The following ADRA1A variants were observed in gnomAD, a reference collection of about 807,000 sequenced individuals.
ADRA1A encodes the protein adrenoceptor alpha 1A, also known as alpha-1A adrenergic receptor.
A neutral mutation model predicts 29.6 loss-of-function variants in ADRA1A; 31 were observed. The ratio of observed to expected loss-of-function variants is 1.05; its 90% confidence interval spans 0.79 to 1.41. The LOEUF is 1.41. Ranked by LOEUF, ADRA1A falls within the 40% of genes most tolerant of loss-of-function variation. ADRA1A has a pLI of 0.00. For missense variants in ADRA1A, 619 were observed against 601.1 expected (o/e 1.03, Z -0.31); for synonymous variants, 311 against 254.3 (o/e 1.22, Z -2.12).
intron 2 of ADRA1A, among the ~76,000 whole-genome samples, chr8:26,849,177 T>TA (rs953940333): frequency 6.6e-6 from 1 of 152,152 alleles, no homozygotes; most frequent in African/African-American, 2.4e-5. Flanking sequence ...CCAGCCTGAA[T>TA]AAAAAACTGA....
At position 26,769,488 on chromosome 8, in the gene ADRA1A, A is replaced by G. The variant is rs1445058554; in HGVS notation, c.*661T>C. ...CTGACCCAAGGATAGAGAACACTAC[A>G]TTCCAAGACATCATGAGTGCCCCTC... On this transcript the variant is annotated 3_prime_UTR_variant, in exon 3 of 3. Transcript: ENST00000380573. The G allele has an allele frequency of 4.1e-6, 4 of 985,328 alleles. No individual in the cohort carries two copies. Among genetic ancestry groups the G allele is most frequent in the Non-Finnish European group, 4.8e-6 (4 of 829,932 alleles). 61.0% of individuals were successfully genotyped at this position (985,328 alleles called of 1,614,324 possible). A position where few individuals can be genotyped will look rare whatever the true frequency, so the allele number is the denominator to read the frequency against.
chr8:26,822,783 C>T (rs987431639), intron 2 of ADRA1A, among the ~76,000 whole-genome samples: 1 of 152,098 alleles, frequency 6.6e-6, no homozygotes, highest in Non-Finnish European at 1.5e-5. Context: ...TGGTGACTTC[C>T]GCTTCTGGGG....
exon 3 of ADRA1A, chr8:26,748,713 A>G: frequency 2.7e-6 from 1 of 374,996 alleles, no homozygotes; most frequent in South Asian, 2.0e-5. Context: ...AGATCATGCC[A>G]CTGCACTCCA....
chr8:26,782,518 T>A (rs1807071708), intron 2 of ADRA1A, among the ~76,000 whole-genome samples: 1 of 152,212 alleles, frequency 6.6e-6, no homozygotes. Context: ...GAATTGGCCA[T>A]GCCTTCCTCT....
rs1382104169 is a variant in ADRA1A at position 26,806,803 on chromosome 8, C to T, written c.884-36137G>A. Among the ~76,000 whole-genome samples, 2 of 152,110 alleles carry T rather than the reference C, an allele frequency of 1.3e-5. No individual in the cohort carries two copies. Among genetic ancestry groups the T allele is most frequent in the Non-Finnish European group, 2.9e-5 (2 of 68,004 alleles). ...GCTAGAAGTGGCCTCATGGAACATCCTAGAAAAGGAGAACCAGCCACACCC... is the reference window on the plus strand; with the variant it reads ...GCTAGAAGTGGCCTCATGGAACATCTTAGAAAAGGAGAACCAGCCACACCC... On this transcript the variant is annotated intron_variant, in intron 2 of 2. Coordinates refer to ENST00000380573, the MANE Select transcript of ADRA1A (RefSeq NM_000680.4). The surrounding 1 kb of genome is among the most constrained non-coding windows in gnomAD (Gnocchi z 4.6).
rs557567061 is a variant in ADRA1A at position 26,860,010 on chromosome 8, C to T, written c.883+4077G>A. Among the ~76,000 whole-genome samples, 17 of 152,130 alleles carry T rather than the reference C, an allele frequency of 1.1e-4. No individual in the cohort carries two copies. The East Asian group carries it at 2.3e-3, about 21-fold the overall frequency. ...CTCGAACTCCTGACCTCAAGTGATC[C>T]GCCTGCTCAGCCTCCCAAAGTGCTG... is the stretch of plus-strand genomic sequence containing the variant. On this transcript the variant is annotated intron_variant, in intron 2 of 2. Coordinates refer to ENST00000380573, the MANE Select transcript of ADRA1A (RefSeq NM_000680.4). The surrounding 1 kb of genome is among the most constrained non-coding windows in gnomAD (Gnocchi z 4.7).
chr8:26,846,058 T>G (rs1488731269), intron 2 of ADRA1A, among the ~76,000 whole-genome samples: 2 of 152,248 alleles, frequency 1.3e-5, no homozygotes, highest in Middle Eastern at 3.2e-3. Flanking sequence ...TTAAGATGGT[T>G]AAAATTGTGA....
rs752092221 is a variant in ADRA1A at position 26,769,406 on chromosome 8, C to T, written c.*743G>A. On this transcript the variant is annotated 3_prime_UTR_variant, in exon 3 of 3. Transcript: ENST00000380573. ...TAAATTGAAAGAATGATGCTCAGGT[C>T]TATTGTTTTCTCTTGGGAAAAGCCA... 8 of 985,310 alleles carry T rather than the reference C, an allele frequency of 8.1e-6. No homozygotes were observed. Among genetic ancestry groups the T allele is most frequent in the Non-Finnish European group, 9.6e-6 (8 of 829,938 alleles). 61.0% of individuals were successfully genotyped at this position (985,310 alleles called of 1,614,324 possible).
intron 2 of ADRA1A, among the ~76,000 whole-genome samples, chr8:26,808,892 G>T (rs1384493686): frequency 2.0e-5 from 3 of 152,088 alleles, no homozygotes; most frequent in African/African-American, 7.2e-5. Flanking sequence ...AGACAGCTTT[G>T]GTAGGAAACA....
At chr8:26,755,346 T>C (rs1207281520), downstream of ADRA1A, among the ~76,000 whole-genome samples, 3 of 152,202 alleles carry the variant, frequency 2.0e-5, no homozygotes, top group Non-Finnish European at 4.4e-5. Flanking sequence ...GACTCATCCC[T>C]GACTGACTGG....
chr8:26,785,802 C>A (rs1807326957), intron 2 of ADRA1A, among the ~76,000 whole-genome samples: 1 of 152,262 alleles, frequency 6.6e-6, no homozygotes, highest in South Asian at 2.1e-4. Context: ...TGGCATTTCC[C>A]ATCTTTATAA....
chr8:26,845,371 A>G (rs1179753179), intron 2 of ADRA1A, among the ~76,000 whole-genome samples: 1 of 152,246 alleles, frequency 6.6e-6, no homozygotes, highest in Non-Finnish European at 1.5e-5. Context: ...GGGAAATGCA[A>G]AGCAACATCA....
At chr8:26,827,689 C>T (rs1218860670) in intron 2 of ADRA1A, among the ~76,000 whole-genome samples, 2 of 151,942 alleles carry the variant, frequency 1.3e-5, no homozygotes, top group South Asian at 2.1e-4. Context: ...CAGGAATGCC[C>T]AGTCTTGGGC....
downstream of ADRA1A, among the ~76,000 whole-genome samples, chr8:26,762,256 C>T (rs949685571): frequency 3.9e-5 from 6 of 152,116 alleles, no homozygotes; most frequent in Admixed American, 2.0e-4. The surrounding 1 kb of genome is among the most constrained non-coding windows in gnomAD (Gnocchi z 4.0). Context: ...TGTGGCTGCA[C>T]GTTGTTTGTA....
At chr8:26,781,035 C>T (rs1027185449) in intron 2 of ADRA1A, among the ~76,000 whole-genome samples, 4 of 152,176 alleles carry the variant, frequency 2.6e-5, no homozygotes, top group African/African-American at 7.2e-5. Flanking sequence ...AAATGCAATG[C>T]GCTTGAATCA....
rs553591841 is a variant in ADRA1A, at chr8:26,854,430, G to C, written c.883+9657C>G. On this transcript the variant is annotated intron_variant, in intron 2 of 2. Transcript: ENST00000380573. Reference sequence around the variant, plus strand: ...CCTGAAGTTAAAGCGGGGCGGGGGGGGGGAGCAGGCAGAGGTGCTTTCTCC... The same window carrying C: ...CCTGAAGTTAAAGCGGGGCGGGGGGCGGGAGCAGGCAGAGGTGCTTTCTCC... 13 of 119,200 alleles carry C rather than the reference G, an allele frequency of 1.1e-4. 1 individual carries two copies. Among genetic ancestry groups the C allele is most frequent in the African/African-American group, 2.6e-4 (8 of 31,232 alleles). The allele number at this position is 119,200 out of a possible 1,614,324, so 7.4% of individuals were successfully genotyped here.
At position 26,823,981 on chromosome 8, in the gene ADRA1A, A is replaced by C. The variant is rs1810364374; in HGVS notation, c.883+40106T>G. Among the ~76,000 whole-genome samples the C allele has an allele frequency of 6.6e-6, 1 of 152,094 alleles. No individual in the cohort carries two copies. The highest frequency in any genetic ancestry group is 6.5e-5 in the Admixed American group (1 of 15,272). The stretch of plus-strand genomic sequence containing the variant: ...AGTATTGCCCTGGGCTGGAAAATGG[A>C]GTGCCCAATGAATAGAGCTGCTTCT... On this transcript the variant is annotated intron_variant, in intron 2 of 2. Coordinates refer to ENST00000380573, the MANE Select transcript of ADRA1A (RefSeq NM_000680.4). This position sits in a 1 kb window ranked among gnomAD's most constrained non-coding sequence, Gnocchi z 4.2.
In ADRA1A at chr8:26,866,585, T is replaced by G. The variant is rs1051398371; in HGVS notation, c.-687+351A>C. On this transcript the variant is annotated intron_variant, in intron 1 of 2. Coordinates refer to ENST00000380573, the MANE Select transcript of ADRA1A (RefSeq NM_000680.4). The surrounding 1 kb of genome is among the most constrained non-coding windows in gnomAD (Gnocchi z 5.7). ...GGCAGGACAGCGCGGCGTGAGGAAG[T>G]GCCCACCTTGCCTTCTGGGGTTGGG... Among the ~76,000 whole-genome samples, 1 of 152,106 alleles carries G rather than the reference T, an allele frequency of 6.6e-6. No individual in the cohort carries two copies.
intron 2 of ADRA1A, among the ~76,000 whole-genome samples, chr8:26,794,855 A>G (rs1808085825): frequency 6.6e-6 from 1 of 152,096 alleles, no homozygotes. Context: ...CTAAAATTAC[A>G]ATTAATGAAC....
Sources: gnomAD v4.1 joint callset for allele counts (sites outside exome capture counted in the v4.1 genomes callset) on GRCh38, gnomAD v4.1.1 for gene constraint, Gnocchi (gnomAD v3.1) non-coding constraint, MANE v1.5 for transcripts, NCBI Gene and HGNC (gene_info 2026-07-23, HGNC 2026-07-21) for gene names.